TACC2: variants seen among roughly 807,000 people sequenced by gnomAD.
TACC2 encodes transforming acidic coiled-coil-containing protein 2.
A neutral mutation model predicts 227.3 loss-of-function variants in TACC2; 137 were observed. The ratio of observed to expected loss-of-function variants is 0.60; its 90% CI spans 0.52 to 0.69. The LOEUF (loss-of-function observed/expected upper bound fraction) is 0.69, where lower values mean the gene tolerates loss of function less well. Ranked by LOEUF, TACC2 falls within the 30% of genes least tolerant of loss-of-function variation. The pLI, the probability that TACC2 is intolerant of heterozygous loss-of-function variation, is 0.00. For synonymous variants in TACC2, 1,523 were observed against 1,487.5 expected (o/e 1.02, Z -0.55); for missense variants, 3,470 against 3,694.4 (o/e 0.94, Z 1.57).
intron 3 of TACC2, among the ~76,000 whole-genome samples, chr10:122,076,103 A>G (rs1476670680): frequency 6.6e-6 from 1 of 152,046 alleles, no homozygotes; most frequent in African/African-American, 2.4e-5. Context: ...CCTAGCATTG[A>G]TTTCTTACGG....
intron 3 of TACC2, among the ~76,000 whole-genome samples, chr10:122,070,800 C>T (rs2077966276): frequency 6.6e-6 from 1 of 151,592 alleles, no homozygotes; most frequent in African/African-American, 2.4e-5. Flanking sequence ...TAATGCATGC[C>T]TGTAGCCCCA....
intron 1 of TACC2, among the ~76,000 whole-genome samples, chr10:121,999,344 C>G (rs1953985508): frequency 6.6e-6 from 1 of 152,180 alleles, no homozygotes; most frequent in African/African-American, 2.4e-5. Context: ...GCTTTGTATT[C>G]ACTTTTGGTC....
At chr10:122,045,638 C>G (rs1225259560) in intron 2 of TACC2, among the ~76,000 whole-genome samples, 2 of 152,214 alleles carry the variant, frequency 1.3e-5, no homozygotes, top group Non-Finnish European at 1.5e-5. Flanking sequence ...CACTGGACTT[C>G]AAGGTGGGAG....
intron 2 of TACC2, among the ~76,000 whole-genome samples, chr10:122,042,229 G>C (rs1036717995): frequency 3.3e-5 from 5 of 152,016 alleles, no homozygotes; most frequent in African/African-American, 1.2e-4. Flanking sequence ...ACAGGCGTAA[G>C]CCACTGCACA....
Position 122,226,393 on chromosome 10 carries a change from G to T in TACC2, c.7636G>T (p.Ala2546Ser), listed in dbSNP as rs748599613. The change falls in exon 13 of 23, where the codon GCC becomes TCC. Residue 2546 changes from alanine to serine, a missense_variant. Physicochemically the swap from Ala to Ser is moderately conservative, Grantham distance 99. This residue lies in a region of TACC2 where 345 missense variants were observed against 354.4 expected (regional missense o/e 0.97). Coordinates refer to ENST00000369005, the MANE Select transcript of TACC2 (RefSeq NM_206862.4). ...GGACGACGATGCCCCGAAGAAGCAG[G>T]CCTTGTACCTTATGTTTGACACTTC... The part of the protein sequence containing the change: ...PQDDDAPKKQ[A>S]LYLMFDTSQE... 79 of 1,614,050 alleles carry T rather than the reference G, an allele frequency of 4.9e-5. 1 individual carries two copies. Among genetic ancestry groups the T allele is most frequent in the Non-Finnish European group, 6.7e-5 (79 of 1,180,008 alleles).
chr10:122,137,942 G>A (rs2089971301), intron 6 of TACC2, among the ~76,000 whole-genome samples: 1 of 152,254 alleles, frequency 6.6e-6, no homozygotes, highest in South Asian at 2.1e-4. Flanking sequence ...TGGACAGAAG[G>A]AGGTGGGATA....
At chr10:122,070,407 G>A (rs1370295549) in intron 3 of TACC2, among the ~76,000 whole-genome samples, 2 of 152,094 alleles carry the variant, frequency 1.3e-5, no homozygotes, top group Non-Finnish European at 2.9e-5. Context: ...TCAGGAGTTT[G>A]AGACCAGCCT....
intron 7 of TACC2, among the ~76,000 whole-genome samples, chr10:122,184,132 C>A (rs1317316237): frequency 1.3e-5 from 2 of 152,206 alleles, no homozygotes; most frequent in African/African-American, 4.8e-5. Flanking sequence ...TTCGCAGCCC[C>A]TGGCTGAGGC....
chr10:122,030,811 G>A (rs1397869400), intron 2 of TACC2, among the ~76,000 whole-genome samples: 1 of 152,114 alleles, frequency 6.6e-6, no homozygotes, highest in East Asian at 1.9e-4. Flanking sequence ...AAGCATGGGT[G>A]TGTCTGGCTG....
chr10:122,068,024 A>C (rs2136619460), intron 3 of TACC2, among the ~76,000 whole-genome samples: 1 of 152,120 alleles, frequency 6.6e-6, no homozygotes, highest in East Asian at 1.9e-4. Flanking sequence ...TTTCAGTCTT[A>C]ATTCTCTCTG....
chr10:122,125,557 C>A (rs2086674926), intron 5 of TACC2, among the ~76,000 whole-genome samples: 1 of 152,118 alleles, frequency 6.6e-6, no homozygotes, highest in Non-Finnish European at 1.5e-5. Context: ...ATCTGTGTCA[C>A]CTAGTTTCTT....
intron 22 of TACC2, among the ~76,000 whole-genome samples, chr10:122,252,000 G>A (rs749679995): frequency 3.9e-4 from 60 of 152,216 alleles, no homozygotes; most frequent in Non-Finnish European, 6.8e-4. Flanking sequence ...GAATGGAGGC[G>A]CTGGGCATTT....
chr10:122,039,881 G>A (rs1174848723), intron 2 of TACC2, among the ~76,000 whole-genome samples: 1 of 152,164 alleles, frequency 6.6e-6, no homozygotes, highest in Admixed American at 6.6e-5. Flanking sequence ...TGAGGGAAGA[G>A]AAGCCATCGA....
chr10:122,009,944 A>G (rs1955716813), intron 1 of TACC2, among the ~76,000 whole-genome samples: 1 of 152,212 alleles, frequency 6.6e-6, no homozygotes, highest in South Asian at 2.1e-4. Flanking sequence ...TGCCTGGGAA[A>G]CAGAGGTTTT....
At chr10:122,022,487 T>C (rs2245770) in intron 2 of TACC2, 98,476 of 152,972 alleles carry the variant, frequency 0.64, 32,121 homozygotes, top group African/African-American at 0.74. Context: ...CGGACTCAAG[T>C]AATTCTCCTT....
chr10:122,143,251 C>T (rs890030385), intron 6 of TACC2, among the ~76,000 whole-genome samples: 1 of 152,194 alleles, frequency 6.6e-6, no homozygotes, highest in Non-Finnish European at 1.5e-5. Flanking sequence ...AAAATCCTCT[C>T]CTCTAAACAA....
chr10:122,153,868 T>G (rs962064335), intron 7 of TACC2, among the ~76,000 whole-genome samples: 6 of 152,326 alleles, frequency 3.9e-5, no homozygotes, highest in Admixed American at 6.5e-5. Flanking sequence ...TCTTTTTGAC[T>G]TAGGTGTCTG....
rs539875825 is a variant in TACC2, at chr10:122,062,907, T to C, written c.146+12357T>C. Reference sequence around the variant, plus strand: ...CATCACCTCACCCGGCAGCTCTGTGTGGATGGCTGTAGATGACCCAAGGGG... The same window carrying C: ...CATCACCTCACCCGGCAGCTCTGTGCGGATGGCTGTAGATGACCCAAGGGG... On this transcript the variant is annotated intron_variant, in intron 3 of 22. Transcript: ENST00000369005. 3.9e-5 allele frequency among the ~76,000 whole-genome samples: 6 copies of C among 152,258 alleles called. No individual in the cohort carries two copies. The South Asian group carries it at 1.2e-3, about 32-fold the overall frequency.
rs545878416 is a variant in TACC2, at chr10:122,106,722, C to T, written c.5573+18131C>T. On this transcript the variant is annotated intron_variant, in intron 5 of 22. Coordinates refer to ENST00000369005, the MANE Select transcript of TACC2 (RefSeq NM_206862.4). ...GCTTCTCAGCACCACAGTTGACAGCCCTTTGAAGATGCTTTTGGCTACAAG... is the reference window on the plus strand; with the variant it reads ...GCTTCTCAGCACCACAGTTGACAGCTCTTTGAAGATGCTTTTGGCTACAAG... 1.5e-3 allele frequency among the ~76,000 whole-genome samples: 225 copies of T among 152,298 alleles called. 1 individual carries two copies. The highest frequency in any genetic ancestry group is 5.1e-3 in the African/African-American group (213 of 41,552).
Sources: allele counts gnomAD v4.1 joint callset (sites outside exome capture counted in the v4.1 genomes callset), GRCh38; gene constraint gnomAD v4.1.1; regional missense constraint gnomAD v4.1.1; transcripts MANE v1.5; gene names NCBI Gene and HGNC (gene_info 2026-07-23, HGNC 2026-07-21).